RALGPS1: variants seen among roughly 807,000 people sequenced by gnomAD.
RALGPS1 encodes the protein ras-specific guanine nucleotide-releasing factor RalGPS1.
RALGPS1 carries 19 observed loss-of-function variants against 78.8 expected under a neutral mutation model. The ratio of observed to expected loss-of-function variants is 0.24; its 90% CI spans 0.17 to 0.35. The LOEUF (loss-of-function observed/expected upper bound fraction) is 0.35, where lower values mean the gene tolerates loss of function less well. RALGPS1 is among the 10% of genes least tolerant of loss of function. The pLI, the probability that RALGPS1 is intolerant of heterozygous loss-of-function variation, is 1.00. For missense variants in RALGPS1, 454 were observed against 688.3 expected, an observed-to-expected ratio of 0.66 and a Z score of 3.81; for synonymous variants, 228 against 256.3, an observed-to-expected ratio of 0.89 and a Z score of 1.06.
At chr9:126,958,840 A>G (rs1489957646) in intron 1 of RALGPS1, among the ~76,000 whole-genome samples, 1 of 152,168 alleles carries the variant, frequency 6.6e-6, no homozygotes, top group Non-Finnish European at 1.5e-5. Context: ...GAGAATACCA[A>G]ACGATCTTTC....
intron 4 of RALGPS1, among the ~76,000 whole-genome samples, chr9:127,016,456 G>A (rs568124632): frequency 6.6e-6 from 1 of 152,314 alleles, no homozygotes; most frequent in South Asian, 2.1e-4. Context: ...CTGACTTTAA[G>A]TCACAGAGGG....
chr9:127,032,106 G>A (rs953636682), intron 4 of RALGPS1, among the ~76,000 whole-genome samples: 1 of 152,232 alleles, frequency 6.6e-6, no homozygotes, highest in Admixed American at 6.5e-5. Flanking sequence ...CCTTTATCAA[G>A]TACCTGTCAC....
At chr9:127,189,897 G>A (rs1225615115) in intron 11 of RALGPS1, among the ~76,000 whole-genome samples, 2 of 152,238 alleles carry the variant, frequency 1.3e-5, no homozygotes, top group Non-Finnish European at 2.9e-5. Context: ...GGACAAATCT[G>A]GAGGGGCAGG....
intron 14 of RALGPS1, among the ~76,000 whole-genome samples, chr9:127,201,937 C>T (rs2061654746): frequency 6.6e-6 from 1 of 152,226 alleles, no homozygotes; most frequent in Admixed American, 6.5e-5. Context: ...GGCCGTGGAG[C>T]CAGAGCCAAG....
At chr9:127,093,466 T>G (rs1472254699) in intron 8 of RALGPS1, among the ~76,000 whole-genome samples, 2 of 152,200 alleles carry the variant, frequency 1.3e-5, no homozygotes, top group Non-Finnish European at 2.9e-5. Context: ...CCTGTGGGGC[T>G]GTGGTGGTCT....
intron 1 of RALGPS1, among the ~76,000 whole-genome samples, chr9:126,954,969 C>A (rs1165869863): frequency 6.6e-6 from 1 of 152,240 alleles, no homozygotes. Context: ...CCATGATAAA[C>A]CTGCTAGGCT....
intron 4 of RALGPS1, among the ~76,000 whole-genome samples, chr9:127,018,472 A>G (rs899313573): frequency 1.3e-5 from 2 of 151,872 alleles, no homozygotes; most frequent in South Asian, 4.2e-4. Context: ...CGTCTCTACT[A>G]AAAATGCAAA....
At chr9:127,192,647 G>T (rs1450730034) in intron 11 of RALGPS1, among the ~76,000 whole-genome samples, 1 of 152,088 alleles carries the variant, frequency 6.6e-6, no homozygotes. Flanking sequence ...GACAGGGCCA[G>T]ACCCTGTGTC....
At chr9:127,059,237 G>A (rs977184998) in intron 7 of RALGPS1, among the ~76,000 whole-genome samples, 2 of 152,172 alleles carry the variant, frequency 1.3e-5, no homozygotes, top group Non-Finnish European at 2.9e-5. Flanking sequence ...TGAGAAGGTG[G>A]TGATAGGCCT....
chr9:126,937,465 A>G (rs567036219), intron 1 of RALGPS1, among the ~76,000 whole-genome samples: 5 of 152,330 alleles, frequency 3.3e-5, no homozygotes, highest in African/African-American at 9.6e-5. Flanking sequence ...TATTAGGACT[A>G]GATTTGGTTG....
chr9:127,198,709 G>A (rs2061465403), intron 13 of RALGPS1, among the ~76,000 whole-genome samples: 1 of 152,198 alleles, frequency 6.6e-6, no homozygotes, highest in African/African-American at 2.4e-5. Context: ...AGGCAGTGGT[G>A]GAGCCAGGTC....
intron 3 of RALGPS1, among the ~76,000 whole-genome samples, chr9:126,974,526 CA>C (rs1299828453): frequency 6.8e-6 from 1 of 147,192 alleles, no homozygotes; most frequent in Non-Finnish European, 1.5e-5. Flanking sequence ...TTAACATATG[CA>C]AAAAACTTTT....
chr9:126,933,185 G>A (rs2035957195), intron 1 of RALGPS1, among the ~76,000 whole-genome samples: 1 of 152,190 alleles, frequency 6.6e-6, no homozygotes, highest in South Asian at 2.1e-4. Context: ...AGACCAGCGA[G>A]GCTAAGGAAA....
intron 8 of RALGPS1, chr9:127,107,207 C>T (rs974952639): frequency 4.6e-5 from 7 of 152,194 alleles, no homozygotes; most frequent in Admixed American, 3.3e-4. Flanking sequence ...TCATCCTGTC[C>T]GCAAGGAGCT....
At chr9:126,954,463 T>C (rs2038157671) in intron 1 of RALGPS1, among the ~76,000 whole-genome samples, 1 of 152,190 alleles carries the variant, frequency 6.6e-6, no homozygotes, top group African/African-American at 2.4e-5. Flanking sequence ...AAAACAGTGC[T>C]GATCAGATCA....
chr9:126,939,592 C>G (rs1166382063), intron 1 of RALGPS1, among the ~76,000 whole-genome samples: 2 of 152,260 alleles, frequency 1.3e-5, no homozygotes, highest in South Asian at 4.2e-4. Flanking sequence ...TCCTGTATGC[C>G]CACTTTACAG....
At chr9:127,186,567 C>G (rs1244540049) in intron 11 of RALGPS1, among the ~76,000 whole-genome samples, 5 of 152,250 alleles carry the variant, frequency 3.3e-5, no homozygotes, top group African/African-American at 9.6e-5. Context: ...GAACATGAGG[C>G]CTTTCAGTAG....
intron 2 of RALGPS1, among the ~76,000 whole-genome samples, chr9:126,963,819 C>T (rs2039167214): frequency 6.6e-6 from 1 of 152,184 alleles, no homozygotes; most frequent in Non-Finnish European, 1.5e-5. Context: ...CTAACCATGA[C>T]ATTATACCAT....
At chr9:127,089,707 GA>G (rs1462378617) in intron 8 of RALGPS1, among the ~76,000 whole-genome samples, 4 of 152,190 alleles carry the variant, frequency 2.6e-5, no homozygotes, top group Admixed American at 1.3e-4. Context: ...CTTCACAAAG[GA>G]AAGATATTTC....
Sources: allele counts gnomAD v4.1 joint callset (sites outside exome capture counted in the v4.1 genomes callset), GRCh38; gene constraint gnomAD v4.1.1; transcripts MANE v1.5; gene names NCBI Gene and HGNC (gene_info 2026-07-23, HGNC 2026-07-21).